The following RYR3 variants were observed in gnomAD, a reference collection of about 807,000 sequenced individuals.
The protein encoded by RYR3 is brain ryanodine receptor-calcium release channel.
A neutral mutation model predicts 584.3 loss-of-function variants in RYR3; 207 were observed. That is an observed-to-expected ratio of 0.35 (90% CI 0.32 to 0.40). The LOEUF (loss-of-function observed/expected upper bound fraction) is 0.40, where lower values mean the gene tolerates loss of function less well. Among genes scored for constraint, RYR3 ranks in the 10% least tolerant of loss-of-function variants. RYR3 has a pLI of 1.00. For missense variants in RYR3, 5,616 were observed against 6,089.2 expected (o/e 0.92, Z 2.59); for synonymous variants, 2,416 against 2,248.5 (o/e 1.07, Z -2.11).
At chr15:33,659,616 A>C in intron 32 of RYR3, 104 bp from the exon 33 acceptor site, 2 of 726,398 alleles carry the variant, frequency 2.8e-6, no homozygotes, top group Admixed American at 2.1e-5. Flanking sequence ...CCAGACAGCT[A>C]GCAGTCATTG....
chr15:33,742,460 C>T lies in RYR3; in HGVS notation c.7899+16C>T, dbSNP rs759260934. ...CTGTGACAAGGTAGGGATTATCATC[C>T]AACTGACAATCGTCAGGAAGGAAAA... On this transcript the variant is annotated intron_variant, in intron 52 of 103. Coordinates refer to ENST00000634891, the MANE Select transcript of RYR3 (RefSeq NM_001036.6). 6.5e-7 allele frequency: 1 copy of T among 1,534,194 alleles called. No homozygotes were observed. The highest frequency in any genetic ancestry group is 1.1e-5 in the South Asian group (1 of 89,462).
chr15:33,559,721 A>G (rs2152478641), intron 10 of RYR3, among the ~76,000 whole-genome samples: 1 of 152,328 alleles, frequency 6.6e-6, no homozygotes, highest in East Asian at 1.9e-4. Flanking sequence ...TTGCATATCA[A>G]AGGCATGCAG....
intron 9 of RYR3, among the ~76,000 whole-genome samples, chr15:33,549,779 G>A (rs1366765631): frequency 4.6e-5 from 7 of 152,140 alleles, no homozygotes; most frequent in Non-Finnish European, 1.0e-4. Flanking sequence ...ATACGTTTTA[G>A]TTCAGATGGC....
rs570346903 is a variant in RYR3 at position 33,408,111 on chromosome 15, C to T, written c.52-65308C>T. Reference sequence around the variant, plus strand: ...ATGCTGAGGTTGGGGCATGAATGATCCCATCATTCAGGTAATGAGCATAGT... The same window carrying T: ...ATGCTGAGGTTGGGGCATGAATGATTCCATCATTCAGGTAATGAGCATAGT... On this transcript the variant is annotated intron_variant, in intron 1 of 103. Coordinates refer to ENST00000634891, the MANE Select transcript of RYR3 (RefSeq NM_001036.6). Among the ~76,000 whole-genome samples, 5 of 152,036 alleles carry T rather than the reference C, an allele frequency of 3.3e-5. No homozygotes were observed. In the East Asian group the frequency reaches 9.7e-4, roughly 29 times the overall value.
chr15:33,319,449 T>G (rs1003904212), intron 1 of RYR3, among the ~76,000 whole-genome samples: 1 of 152,220 alleles, frequency 6.6e-6, no homozygotes, highest in Non-Finnish European at 1.5e-5. Context: ...GTGGTTTTCC[T>G]CCAAGTAATC....
intron 2 of RYR3, among the ~76,000 whole-genome samples, chr15:33,488,644 A>G (rs1242170786): frequency 1.3e-5 from 2 of 152,110 alleles, no homozygotes; most frequent in East Asian, 1.9e-4. Flanking sequence ...CAAGGTCAGG[A>G]GATCGAGACC....
chr15:33,711,005 C>T (rs778936830), intron 43 of RYR3, among the ~76,000 whole-genome samples: 4 of 152,208 alleles, frequency 2.6e-5, no homozygotes, highest in Non-Finnish European at 4.4e-5. Context: ...GATGTTAGCA[C>T]TTGGCTCCCT....
chr15:33,388,258 C>T (rs910919082), intron 1 of RYR3, among the ~76,000 whole-genome samples: 2 of 152,064 alleles, frequency 1.3e-5, no homozygotes, highest in Non-Finnish European at 2.9e-5. Context: ...ATTTCTCTTC[C>T]CAGCAAAACT....
rs186823402 is a variant in RYR3, at chr15:33,582,307, G to A, written c.1573+664G>A. Among the ~76,000 whole-genome samples the A allele has an allele frequency of 3.4e-4, 51 of 152,204 alleles. 1 individual carries two copies. Among genetic ancestry groups the A allele is most frequent in the African/African-American group, 1.2e-3 (51 of 41,524 alleles). ...ACACTGTGATAAGCTAGTACTTTAG[G>A]GCTTTGCTCTGAAGTGTGTGTCCCA... is the stretch of plus-strand genomic sequence containing the variant. On this transcript the variant is annotated intron_variant, in intron 14 of 103. Transcript: ENST00000634891.
chr15:33,731,633 G>C lies in RYR3; in HGVS notation c.7363G>C (p.Gly2455Arg). The change falls in exon 48 of 104, where the codon GGA (glycine) becomes CGA (arginine). Residue 2455 changes from glycine to arginine, a missense_variant. By Grantham distance (125) the Gly-to-Arg change is moderately radical. Coordinates refer to ENST00000634891, the MANE Select transcript of RYR3 (RefSeq NM_001036.6). ...TLQTIYRLSK[G>R]RSLTKAQRDT... ...GCAGACAATATACAGGCTATCCAAG[G>C]GACGTTCCCTCACCAAAGCACAAAG... The C allele has an allele frequency of 1.2e-6, 2 of 1,613,874 alleles. No individual in the cohort carries two copies. The highest frequency in any genetic ancestry group is 1.7e-6 in the Non-Finnish European group (2 of 1,179,814).
chr15:33,799,565 A>G (rs975729079), intron 67 of RYR3, among the ~76,000 whole-genome samples: 1 of 152,190 alleles, frequency 6.6e-6, no homozygotes, highest in Admixed American at 6.5e-5. Context: ...ACCTTGCCCT[A>G]TGCATCTCTT....
At chr15:33,643,682 T>C (rs1218067777) in intron 27 of RYR3, among the ~76,000 whole-genome samples, 2 of 152,206 alleles carry the variant, frequency 1.3e-5, no homozygotes, top group African/African-American at 4.8e-5. Flanking sequence ...CTCATGTCAC[T>C]GGGGAAGATG....
chr15:33,672,814 A>G (rs1019631766), intron 38 of RYR3, among the ~76,000 whole-genome samples: 1 of 152,234 alleles, frequency 6.6e-6, no homozygotes. Context: ...AGTTTACTGA[A>G]TACTTCCACA....
intron 2 of RYR3, among the ~76,000 whole-genome samples, chr15:33,474,148 G>A (rs182772497): frequency 6.2e-4 from 94 of 152,238 alleles, no homozygotes; most frequent in Admixed American, 9.8e-4. Context: ...GGATCTATGT[G>A]CTCAGCATTC....
Position 33,840,653 on chromosome 15 carries a change from CAG to C in RYR3, c.12979-169_12979-168del, listed in dbSNP as rs1362723081. On this transcript the variant is annotated intron_variant, in intron 89 of 103. Transcript: ENST00000634891. ...TCAAATCTTTGTCTTGGCATCTCTT[CAG>C]AGTCACTTGACATATATAGCAGGAC... is the stretch of plus-strand genomic sequence containing the variant. 4 of 630,630 alleles carry C rather than the reference CAG, an allele frequency of 6.3e-6. No homozygotes were observed. The East Asian group carries it at 8.2e-5, about 13-fold the overall frequency. 39.1% of individuals were successfully genotyped at this position (630,630 alleles called of 1,614,324 possible).
chr15:33,752,322 G>A (rs1023461081), intron 57 of RYR3, among the ~76,000 whole-genome samples: 1 of 152,196 alleles, frequency 6.6e-6, no homozygotes, highest in Non-Finnish European at 1.5e-5. Flanking sequence ...ACTTTGGGCA[G>A]TATGGCCATT....
intron 3 of RYR3, among the ~76,000 whole-genome samples, chr15:33,509,008 G>A (rs1378658752): frequency 6.6e-6 from 1 of 152,170 alleles, no homozygotes; most frequent in East Asian, 1.9e-4. Flanking sequence ...CTATATCCGT[G>A]TAAAGGTCCT....
intron 29 of RYR3, 146 bp from the exon 30 acceptor site, chr15:33,647,278 C>T: frequency 4.7e-6 from 3 of 643,254 alleles, no homozygotes; most frequent in East Asian, 2.8e-5. Context: ...GAATAAGTCC[C>T]AAGACTGGTT....
chr15:33,855,467 G>A (rs2079554483), intron 98 of RYR3, among the ~76,000 whole-genome samples: 1 of 152,212 alleles, frequency 6.6e-6, no homozygotes, highest in South Asian at 2.1e-4. Context: ...GCCTCCCGAA[G>A]TGCTGGGATT....
Sources: gnomAD v4.1 joint callset for allele counts (sites outside exome capture counted in the v4.1 genomes callset) on GRCh38, gnomAD v4.1.1 for gene constraint, MANE v1.5 for transcripts, NCBI Gene and HGNC (gene_info 2026-07-23, HGNC 2026-07-21) for gene names.